SCLT1: variants seen among roughly 807,000 people sequenced by gnomAD.
SCLT1 encodes sodium channel and clathrin linker 1.
SCLT1 carries 78 observed loss-of-function variants against 112.8 expected under a neutral mutation model. That is an observed-to-expected ratio of 0.69 (90% confidence interval 0.58 to 0.83). The LOEUF is 0.83. Ranked by LOEUF, SCLT1 falls within the 40% of genes least tolerant of loss-of-function variation. SCLT1 has a pLI of 0.00. For missense variants in SCLT1, 747 were observed against 770.4 expected (o/e 0.97, Z 0.36); for synonymous variants, 257 against 254.7 (o/e 1.01, Z -0.09).
chr4:129,024,715 T>G (rs1745860381), intron 5 of SCLT1, among the ~76,000 whole-genome samples: 1 of 152,010 alleles, frequency 6.6e-6, no homozygotes, highest in South Asian at 2.1e-4. Context: ...CTTTGACGAG[T>G]TGAGAGAAGA....
intron 9 of SCLT1, among the ~76,000 whole-genome samples, chr4:128,983,468 G>T (rs1741843071): frequency 6.6e-6 from 1 of 152,174 alleles, no homozygotes; most frequent in South Asian, 2.1e-4. Flanking sequence ...AAATCTGGTA[G>T]AATGAATGAG....
intron 18 of SCLT1, among the ~76,000 whole-genome samples, chr4:128,935,236 T>C (rs1737089945): frequency 6.6e-6 from 1 of 151,966 alleles, no homozygotes; most frequent in African/African-American, 2.4e-5. Flanking sequence ...ACTTTTTTAC[T>C]TGTGGTGGAG....
intron 5 of SCLT1, among the ~76,000 whole-genome samples, chr4:129,035,609 A>G (rs559640314): frequency 7.9e-5 from 12 of 152,284 alleles, no homozygotes; most frequent in Non-Finnish European, 2.9e-5. Flanking sequence ...AAAATAAAAA[A>G]TGACAACAAT....
At chr4:129,044,543 A>C (rs1748002312) in intron 2 of SCLT1, among the ~76,000 whole-genome samples, 1 of 152,014 alleles carries the variant, frequency 6.6e-6, no homozygotes, top group Non-Finnish European at 1.5e-5. Context: ...CACTACTATG[A>C]TAAACAATAT....
chr4:129,030,859 C>A (rs1252741235), intron 5 of SCLT1, among the ~76,000 whole-genome samples: 1 of 152,046 alleles, frequency 6.6e-6, no homozygotes, highest in East Asian at 1.9e-4. Flanking sequence ...GACAGATTCA[C>A]AGCCGAATTC....
At chr4:128,913,505 T>G (rs1261768746) in intron 18 of SCLT1, among the ~76,000 whole-genome samples, 1 of 152,216 alleles carries the variant, frequency 6.6e-6, no homozygotes, top group Non-Finnish European at 1.5e-5. Context: ...AAAATGATTG[T>G]CTTGCAGCAC....
At chr4:128,897,047 T>C (rs1218904114) in intron 18 of SCLT1, among the ~76,000 whole-genome samples, 2 of 152,174 alleles carry the variant, frequency 1.3e-5, no homozygotes, top group Admixed American at 6.5e-5. Context: ...TCTCGTCTGA[T>C]TGGTGTACCT....
At chr4:129,003,924 A>C in intron 5 of SCLT1, 48 bp from the exon 6 acceptor site, 2 of 1,568,328 alleles carry the variant, frequency 1.3e-6, no homozygotes, top group South Asian at 2.3e-5. Flanking sequence ...TTTTCGTAAC[A>C]GTAATTACTG....
intron 1 of SCLT1, among the ~76,000 whole-genome samples, chr4:129,084,620 T>C (rs1451267317): frequency 6.6e-6 from 1 of 152,132 alleles, no homozygotes; most frequent in Non-Finnish European, 1.5e-5. Flanking sequence ...AACTTAGAAC[T>C]ACACTACAGG....
intron 18 of SCLT1, among the ~76,000 whole-genome samples, chr4:128,903,539 T>C (rs78349954): frequency 0.013 from 1,997 of 152,270 alleles, 45 homozygotes; most frequent in African/African-American, 0.046. Flanking sequence ...AGAAAAACCA[T>C]ATTTTAGATA....
intron 14 of SCLT1, chr4:128,952,427 T>G (rs1474005119): frequency 2.1e-6 from 1 of 472,500 alleles, no homozygotes; most frequent in Admixed American, 2.3e-5. Flanking sequence ...GCTTTCTGTA[T>G]TTCTTCCTTC....
intron 5 of SCLT1, among the ~76,000 whole-genome samples, chr4:129,010,637 G>C (rs1189513183): frequency 6.6e-6 from 1 of 152,062 alleles, no homozygotes; most frequent in Non-Finnish European, 1.5e-5. Flanking sequence ...CACCTTCCTA[G>C]TTAGCTGTAT....
At chr4:129,030,430 A>G (rs1309321000) in intron 5 of SCLT1, among the ~76,000 whole-genome samples, 1 of 152,164 alleles carries the variant, frequency 6.6e-6, no homozygotes, top group Non-Finnish European at 1.5e-5. Flanking sequence ...ACAAATGGAA[A>G]AGCTAGCAGA....
chr4:128,901,237 C>T (rs1734264870), intron 18 of SCLT1, among the ~76,000 whole-genome samples: 1 of 152,096 alleles, frequency 6.6e-6, no homozygotes, highest in Non-Finnish European at 1.5e-5. Context: ...TTTATTGTGG[C>T]ACTATTCACA....
chr4:129,034,570 C>CTATATA (rs71589021), intron 5 of SCLT1, among the ~76,000 whole-genome samples: 64 of 143,966 alleles, frequency 4.4e-4, no homozygotes, highest in East Asian at 3.2e-3. Context: ...TGTTCTAAAG[C>CTATATA]TATATATATA....
intron 18 of SCLT1, among the ~76,000 whole-genome samples, chr4:128,922,477 A>T (rs1195318123): frequency 6.6e-6 from 1 of 152,238 alleles, no homozygotes; most frequent in Non-Finnish European, 1.5e-5. Flanking sequence ...GCCATAAAAA[A>T]GAATGAGATT....
chr4:128,951,509 C>T (rs961798006), intron 14 of SCLT1, among the ~76,000 whole-genome samples: 3 of 152,088 alleles, frequency 2.0e-5, no homozygotes, highest in Admixed American at 1.3e-4. Context: ...TTTGAAAAAT[C>T]CCTGGAAGTC....
chr4:128,900,326 G>C (rs570597971), intron 18 of SCLT1, among the ~76,000 whole-genome samples: 311 of 152,272 alleles, frequency 2.0e-3, no homozygotes, highest in Middle Eastern at 0.01. Flanking sequence ...TACCAAAACA[G>C]AGATACAGAC....
At chr4:129,082,280 C>A in intron 2 of SCLT1, 26 bp downstream of exon 2, 1 of 1,161,312 alleles carries the variant, frequency 8.6e-7, no homozygotes, top group Non-Finnish European at 1.2e-6. Flanking sequence ...GAGAATATTC[C>A]CAAGTAGAAT....
Sources: gnomAD v4.1 joint callset for allele counts (sites outside exome capture counted in the v4.1 genomes callset) on GRCh38, gnomAD v4.1.1 for gene constraint, MANE v1.5 for transcripts, NCBI Gene and HGNC (gene_info 2026-07-23, HGNC 2026-07-21) for gene names.